The following AMOTL1 variants were observed in gnomAD, a reference collection of about 807,000 sequenced individuals.
The protein encoded by AMOTL1 is angiomotin-like protein 1.
Under a neutral mutation model 102.9 loss-of-function variants are expected in AMOTL1, and 45 were observed. That is an observed-to-expected ratio of 0.44 (90% CI 0.34 to 0.56). The LOEUF is 0.56. AMOTL1 is among the 20% of genes least tolerant of loss of function. AMOTL1 has a pLI of 0.01. For synonymous variants in AMOTL1, 481 were observed against 484.7 expected (o/e 0.99, Z 0.10); for missense variants, 1,114 against 1,225.6 (o/e 0.91, Z 1.36).
At chr11:94,717,678 C>T (rs1240983273) in intron 1 of AMOTL1, among the ~76,000 whole-genome samples, 1 of 151,252 alleles carries the variant, frequency 6.6e-6, no homozygotes, top group Middle Eastern at 3.2e-3. Context: ...AGATGCTATA[C>T]AAAGAAAAAA....
At chr11:94,810,391 A>G (rs538543515) in intron 3 of AMOTL1, among the ~76,000 whole-genome samples, 25 of 151,194 alleles carry the variant, frequency 1.7e-4, no homozygotes, top group Non-Finnish European at 3.4e-4. Flanking sequence ...ACGCTTTCAT[A>G]GTGCACTTTT....
At chr11:94,805,206 G>T (rs1486198324) in intron 3 of AMOTL1, among the ~76,000 whole-genome samples, 5 of 152,194 alleles carry the variant, frequency 3.3e-5, no homozygotes, top group African/African-American at 1.2e-4. Context: ...TATATCACAT[G>T]TGATGTCCAG....
At chr11:94,796,804 A>T (rs1308859713) in intron 2 of AMOTL1, among the ~76,000 whole-genome samples, 1 of 152,128 alleles carries the variant, frequency 6.6e-6, no homozygotes, top group African/African-American at 2.4e-5. Context: ...TGTAGGAGGG[A>T]TGTGATCCTT....
chr11:94,858,546 C>T (rs1436798241), intron 8 of AMOTL1, among the ~76,000 whole-genome samples: 1 of 152,096 alleles, frequency 6.6e-6, no homozygotes, highest in Non-Finnish European at 1.5e-5. Context: ...CATTCATGTG[C>T]CTCTCACCTT....
chr11:94,846,421 A>ACT (rs1359454939), intron 6 of AMOTL1, among the ~76,000 whole-genome samples: 1 of 152,242 alleles, frequency 6.6e-6, no homozygotes, highest in Admixed American at 6.5e-5. Flanking sequence ...TGAAATAGGT[A>ACT]CTATTGTGAT....
At chr11:94,829,003 A>G (rs555816475) in intron 4 of AMOTL1, among the ~76,000 whole-genome samples, 1 of 152,298 alleles carries the variant, frequency 6.6e-6, no homozygotes, top group East Asian at 1.9e-4. Flanking sequence ...GGATTTATTG[A>G]TATCTACATC....
At chr11:94,772,095 G>T (rs1347584983) in intron 1 of AMOTL1, among the ~76,000 whole-genome samples, 1 of 152,130 alleles carries the variant, frequency 6.6e-6, no homozygotes, top group East Asian at 1.9e-4. Flanking sequence ...GAGAGGTCCT[G>T]TGTACCCTTC....
intron 6 of AMOTL1, among the ~76,000 whole-genome samples, chr11:94,837,165 C>A (rs1377061554): frequency 2.0e-5 from 3 of 152,298 alleles, no homozygotes; most frequent in African/African-American, 7.2e-5. Flanking sequence ...CAGGCTCCAG[C>A]AAATTGTCTT....
At chr11:94,806,678 G>A (rs1423074006) in intron 3 of AMOTL1, among the ~76,000 whole-genome samples, 1 of 152,128 alleles carries the variant, frequency 6.6e-6, no homozygotes, top group Admixed American at 6.5e-5. Context: ...CTGCAGCATG[G>A]GTATTTCAAG....
intron 1 of AMOTL1, among the ~76,000 whole-genome samples, chr11:94,770,644 T>A (rs1281986023): frequency 6.6e-6 from 1 of 152,176 alleles, no homozygotes; most frequent in Non-Finnish European, 1.5e-5. Flanking sequence ...GTCTTTCAGG[T>A]TCTTTGCAGA....
intron 6 of AMOTL1, among the ~76,000 whole-genome samples, chr11:94,840,681 T>TATATATATATATATATATATACAC (rs1166713705): frequency 9.5e-6 from 1 of 104,806 alleles, no homozygotes; most frequent in South Asian, 3.4e-4. Context: ...TATATATATA[T>TATATATATATATATATATATACAC]ACACACACAC....
exon 2 of AMOTL1, chr11:94,728,938 A>T: frequency 7.9e-7 from 1 of 1,267,846 alleles, no homozygotes; most frequent in Non-Finnish European, 1.0e-6. Flanking sequence ...CTTCCATTTG[A>T]TCTGAAAGCT....
Position 94,873,630 on chromosome 11 carries a change from A to G in AMOTL1, c.*2835A>G, listed in dbSNP as rs1163992030. ...CAGAAAGGTTAAGTCCCTTCCTGAA[A>G]TCTCACAGCCAGGAGAAGCTAGGAT... On this transcript the variant is annotated 3_prime_UTR_variant, in exon 13 of 13. Transcript: ENST00000433060. The G allele has an allele frequency of 3.9e-5, 6 of 152,206 alleles. No homozygotes were observed. The highest frequency in any genetic ancestry group is 5.9e-5 in the Non-Finnish European group (4 of 68,026). 9.4% of individuals were successfully genotyped at this position (152,206 alleles called of 1,614,324 possible).
At chr11:94,712,084 T>C (rs1950029869) in intron 1 of AMOTL1, among the ~76,000 whole-genome samples, 1 of 152,086 alleles carries the variant, frequency 6.6e-6, no homozygotes, top group South Asian at 2.1e-4. Context: ...GTAATAGAGT[T>C]TCTGCATCCT....
chr11:94,799,875 C>A lies in AMOTL1; in HGVS notation c.685C>A (p.Arg229=). The change falls in exon 3 of 13, where the codon CGA becomes AGA. Residue 229 remains arginine, a synonymous_variant. Coordinates refer to ENST00000433060, the MANE Select transcript of AMOTL1 (RefSeq NM_130847.3). This position sits in a 1 kb window ranked among gnomAD's most constrained non-coding sequence, Gnocchi z 4.5. ...YMAGGTSQKS[R]TEGRPTVNRA... ...GGCAGGGGGCACCAGTCAGAAGTCC[C>A]GAACTGAGGGGAGGCCCACTGTGAA... 1 of 1,593,990 alleles carries A rather than the reference C, an allele frequency of 6.3e-7. No homozygotes were observed.
chr11:94,813,943 T>A (rs1591993022), intron 3 of AMOTL1, among the ~76,000 whole-genome samples: 1 of 152,312 alleles, frequency 6.6e-6, no homozygotes, highest in Middle Eastern at 3.4e-3. Flanking sequence ...TCCCACCTCC[T>A]GAGTATTCCC....
intron 3 of AMOTL1, among the ~76,000 whole-genome samples, chr11:94,759,217 C>T (rs1950763096): frequency 6.6e-6 from 1 of 152,026 alleles, no homozygotes; most frequent in Admixed American, 6.6e-5. Flanking sequence ...AAATCATGGA[C>T]TGGCTTTCTG....
intron 1 of AMOTL1, among the ~76,000 whole-genome samples, chr11:94,711,947 T>A (rs1313127887): frequency 6.6e-6 from 1 of 152,124 alleles, no homozygotes; most frequent in Admixed American, 6.6e-5. Flanking sequence ...TTCATTTATT[T>A]GGGATAAATG....
intron 3 of AMOTL1, among the ~76,000 whole-genome samples, chr11:94,801,139 A>AG (rs1951470745): frequency 6.6e-6 from 1 of 152,170 alleles, no homozygotes; most frequent in South Asian, 2.1e-4. Context: ...TCACAACTGG[A>AG]GGGGCTGGAG....
Sources: gnomAD v4.1 joint callset for allele counts (sites outside exome capture counted in the v4.1 genomes callset) on GRCh38, gnomAD v4.1.1 for gene constraint, Gnocchi (gnomAD v3.1) non-coding constraint, MANE v1.5 for transcripts, NCBI Gene and HGNC (gene_info 2026-07-23, HGNC 2026-07-21) for gene names.